ADGRG6: variants seen among roughly 807,000 people sequenced by gnomAD.
ADGRG6 encodes G-protein coupled receptor 126.
A neutral mutation model predicts 142.4 loss-of-function variants in ADGRG6; 84 were observed. The ratio of observed to expected loss-of-function variants is 0.59; its 90% CI spans 0.49 to 0.71. The LOEUF (loss-of-function observed/expected upper bound fraction) is 0.71, where lower values mean the gene tolerates loss of function less well. Among genes scored for constraint, ADGRG6 ranks in the 30% least tolerant of loss-of-function variants. The pLI is 0.00. For missense variants in ADGRG6, 1,367 were observed against 1,466.6 expected, an observed-to-expected ratio of 0.93 and a Z score of 1.11; for synonymous variants, 521 against 520.5, an observed-to-expected ratio of 1.00 and a Z score of -0.01.
chr6:142,388,159 AT>A (rs1248693042), intron 6 of ADGRG6, among the ~76,000 whole-genome samples: 1 of 152,056 alleles, frequency 6.6e-6, no homozygotes, highest in Non-Finnish European at 1.5e-5. Context: ...CAGTGGGCAT[AT>A]TTTTTTATGT....
In ADGRG6 at chr6:142,438,039, G is replaced by C. The variant is rs1465705038; in HGVS notation, c.3422-173G>C. The C allele has an allele frequency of 1.2e-5, 6 of 482,132 alleles. No individual in the cohort carries two copies. In the Admixed American group the frequency reaches 1.6e-4, roughly 13 times the overall value. The allele number at this position is 482,132 out of a possible 1,614,324, so 29.9% of individuals were successfully genotyped here. A position where few individuals can be genotyped will look rare whatever the true frequency, so the allele number is the denominator to read the frequency against. On this transcript the variant is annotated intron_variant, in intron 23 of 24. Coordinates refer to ENST00000367609, the MANE Select transcript of ADGRG6 (RefSeq NM_198569.3). ...TAAATAGTACGTATACAAGGTCAAAGTAAGAAATTATCAATATCCTCTTAT... is the reference window on the plus strand; with the variant it reads ...TAAATAGTACGTATACAAGGTCAAACTAAGAAATTATCAATATCCTCTTAT...
At position 142,411,411 on chromosome 6, in the gene ADGRG6, G is replaced by T; in HGVS notation, c.2541G>T (p.Met847Ile). 1 of 1,457,928 alleles carries T rather than the reference G, an allele frequency of 6.9e-7. No individual in the cohort carries two copies. Among genetic ancestry groups the T allele is most frequent in the South Asian group, 1.1e-5 (1 of 88,068 alleles). The allele number at this position is 1,457,928 out of a possible 1,614,324, so 90.3% of individuals were successfully genotyped here. A position where few individuals can be genotyped will look rare whatever the true frequency, so the allele number is the denominator to read the frequency against. The stretch of plus-strand genomic sequence containing the variant: ...ACTTCACACACTTTGGAGTTCTGAT[G>T]GTAAGGGGGGAATTTCTAAGCTCAT... ...CNHFTHFGVL[M>I]DLPRSASQLD... Residue 847 changes from methionine to isoleucine, a missense_variant and splice_region_variant, in exon 18 of 25, where the codon ATG (methionine) becomes ATT (isoleucine). By Grantham distance (10) the Met-to-Ile change is conservative. Coordinates refer to ENST00000367609, the MANE Select transcript of ADGRG6 (RefSeq NM_198569.3).
At chr6:142,385,316 C>G (rs894122806) in intron 6 of ADGRG6, among the ~76,000 whole-genome samples, 1 of 152,054 alleles carries the variant, frequency 6.6e-6, no homozygotes, top group East Asian at 1.9e-4. Flanking sequence ...CTGTCTTGAC[C>G]ACATTAATGA....
At chr6:142,397,273 A>C (rs1298571672) in intron 9 of ADGRG6, among the ~76,000 whole-genome samples, 3 of 152,066 alleles carry the variant, frequency 2.0e-5, no homozygotes, top group Non-Finnish European at 4.4e-5. Flanking sequence ...ACAAAGAAAA[A>C]ATGTAGAATT....
intron 22 of ADGRG6, among the ~76,000 whole-genome samples, chr6:142,421,102 G>C (rs963104966): frequency 4.6e-5 from 7 of 152,204 alleles, no homozygotes; most frequent in Non-Finnish European, 8.8e-5. Flanking sequence ...CTCCCTGCAA[G>C]TGTGTTTTAA....
intron 18 of ADGRG6, among the ~76,000 whole-genome samples, chr6:142,412,905 T>A (rs893847053): frequency 1.3e-5 from 2 of 152,200 alleles, no homozygotes; most frequent in African/African-American, 4.8e-5. Context: ...AGATGATTTA[T>A]ATGAAGCCAG....
chr6:142,407,025 A>G (rs1775837578), intron 15 of ADGRG6, among the ~76,000 whole-genome samples: 1 of 151,770 alleles, frequency 6.6e-6, no homozygotes, highest in African/African-American at 2.4e-5. Flanking sequence ...GTATTTCTCT[A>G]CCAAAGTTGT....
intron 13 of ADGRG6, among the ~76,000 whole-genome samples, chr6:142,403,322 G>A (rs2115021885): frequency 6.6e-6 from 1 of 151,950 alleles, no homozygotes; most frequent in South Asian, 2.1e-4. Context: ...AATATTTAAT[G>A]TTTTTCTATT....
At chr6:142,424,916 A>T (rs1311303976) in intron 22 of ADGRG6, among the ~76,000 whole-genome samples, 1 of 152,164 alleles carries the variant, frequency 6.6e-6, no homozygotes, top group East Asian at 1.9e-4. Flanking sequence ...AGGAGGATCG[A>T]TAGGAATTAA....
At chr6:142,362,144 G>A (rs1168072854) in intron 2 of ADGRG6, among the ~76,000 whole-genome samples, 2 of 152,090 alleles carry the variant, frequency 1.3e-5, no homozygotes, top group Non-Finnish European at 2.9e-5. Flanking sequence ...GGGTATCTTT[G>A]GAAATTCAAA....
chr6:142,405,737 C>T lies in ADGRG6; in HGVS notation c.2177C>T (p.Pro726Leu). 1.2e-6 allele frequency: 2 copies of T among 1,605,796 alleles called. No homozygotes were observed. Among genetic ancestry groups the T allele is most frequent in the Non-Finnish European group, 1.7e-6 (2 of 1,173,416 alleles). Residue 726 changes from proline (P) to leucine (L), a missense_variant, in exon 15 of 25, where the codon CCT becomes CTT. By Grantham distance (98) the Pro-to-Leu change is moderately conservative. Coordinates refer to ENST00000367609, the MANE Select transcript of ADGRG6 (RefSeq NM_198569.3). Reference sequence around the variant, plus strand: ...GATCCACTGGCATCTGTAATTTTGCCTCCAAACTTACTTGAGAATTTAAGT... The same window carrying T: ...GATCCACTGGCATCTGTAATTTTGCTTCCAAACTTACTTGAGAATTTAAGT... The part of the protein sequence containing the change: ...QVDPLASVIL[P>L]PNLLENLSPE...
intron 24 of ADGRG6, among the ~76,000 whole-genome samples, chr6:142,442,175 A>G (rs1477944260): frequency 1.3e-5 from 2 of 152,188 alleles, no homozygotes; most frequent in East Asian, 1.9e-4. Context: ...GAAGATTCCA[A>G]TTTTAGAGCC....
chr6:142,440,283 T>C (rs901136728), intron 24 of ADGRG6, among the ~76,000 whole-genome samples: 1 of 152,084 alleles, frequency 6.6e-6, no homozygotes, highest in Admixed American at 6.6e-5. Flanking sequence ...TCATCTATTA[T>C]TTTATTTTAT....
At chr6:142,326,509 T>C (rs1778787070) in intron 2 of ADGRG6, among the ~76,000 whole-genome samples, 1 of 151,966 alleles carries the variant, frequency 6.6e-6, no homozygotes, top group African/African-American at 2.4e-5. Flanking sequence ...TTTCAGACTC[T>C]TGGCTTTTTT....
At chr6:142,412,811 A>C (rs1221581699) in intron 18 of ADGRG6, among the ~76,000 whole-genome samples, 1 of 152,186 alleles carries the variant, frequency 6.6e-6, no homozygotes, top group Non-Finnish European at 1.5e-5. Context: ...GCTTTAGCTT[A>C]ATTCATTTAA....
At chr6:142,372,402 T>G (rs995471569) in intron 4 of ADGRG6, among the ~76,000 whole-genome samples, 2 of 152,318 alleles carry the variant, frequency 1.3e-5, no homozygotes, top group Middle Eastern at 6.8e-3. Flanking sequence ...TCCCACGCTT[T>G]GAGCAAAGTA....
rs58399461 is a variant in ADGRG6, at chr6:142,357,887, C to A, written c.104-9682C>A. On this transcript the variant is annotated intron_variant, in intron 2 of 24. Transcript: ENST00000367609. Reference sequence around the variant, plus strand: ...TCAGTAAGTTAGATTAATTAATGAACAAACTAAAATATGGCTAACATGCTT... The same window carrying A: ...TCAGTAAGTTAGATTAATTAATGAAAAAACTAAAATATGGCTAACATGCTT... Among the ~76,000 whole-genome samples, 1,043 of 152,286 alleles carry A rather than the reference C, an allele frequency of 6.8e-3. 15 individuals carry two copies. Among genetic ancestry groups the A allele is most frequent in the African/African-American group, 0.024 (1,001 of 41,558 alleles).
At chr6:142,368,456 C>T (rs980793880) in intron 3 of ADGRG6, among the ~76,000 whole-genome samples, 2 of 151,942 alleles carry the variant, frequency 1.3e-5, no homozygotes, top group Non-Finnish European at 2.9e-5. Flanking sequence ...TATTCTGGCA[C>T]AACATAACAT....
intron 22 of ADGRG6, among the ~76,000 whole-genome samples, chr6:142,430,413 G>C (rs1466430695): frequency 1.3e-5 from 2 of 152,088 alleles, no homozygotes; most frequent in Non-Finnish European, 2.9e-5. Context: ...GCATTGCCTC[G>C]AATTTTACTG....
Sources: gnomAD v4.1 joint callset for allele counts (sites outside exome capture counted in the v4.1 genomes callset) on GRCh38, gnomAD v4.1.1 for gene constraint, MANE v1.5 for transcripts, NCBI Gene and HGNC (gene_info 2026-07-23, HGNC 2026-07-21) for gene names.